The following TMEM232 variants were observed in gnomAD, a reference collection of about 807,000 sequenced individuals.
TMEM232 encodes the protein transmembrane protein 232.
In TMEM232, 80 loss-of-function variants were observed where a neutral mutation model predicts 78.8. That is an observed-to-expected ratio of 1.01 (90% confidence interval 0.85 to 1.22). The LOEUF is 1.22. TMEM232 is among the 50% of genes most tolerant of loss of function. TMEM232 has a pLI of 0.00. For missense variants in TMEM232, 881 were observed against 742.2 expected (o/e 1.19, Z -2.17); for synonymous variants, 297 against 254.3 (o/e 1.17, Z -1.60).
chr5:110,543,336 T>C (rs1006404052), intron 11 of TMEM232, among the ~76,000 whole-genome samples: 3 of 152,194 alleles, frequency 2.0e-5, no homozygotes, highest in Non-Finnish European at 4.4e-5. Flanking sequence ...CTATCCTTCA[T>C]TGATGTCCGT....
chr5:110,654,541 G>T (rs1788764325), intron 2 of TMEM232, among the ~76,000 whole-genome samples: 1 of 152,150 alleles, frequency 6.6e-6, no homozygotes, highest in Non-Finnish European at 1.5e-5. Context: ...TGCTGTTTTG[G>T]TTACTGTAGC....
intron 6 of TMEM232, among the ~76,000 whole-genome samples, chr5:110,627,042 C>G (rs1354756241): frequency 6.6e-6 from 1 of 152,036 alleles, no homozygotes; most frequent in East Asian, 1.9e-4. Context: ...TTCCCTAGTT[C>G]CAAACCTGTT....
At chr5:110,540,086 A>G (rs1413442932) in intron 11 of TMEM232, among the ~76,000 whole-genome samples, 3 of 152,206 alleles carry the variant, frequency 2.0e-5, no homozygotes, top group Admixed American at 1.3e-4. Context: ...CAAGTTAAAA[A>G]TAGGCTCTCA....
intron 10 of TMEM232, among the ~76,000 whole-genome samples, chr5:110,598,518 C>A (rs1455200805): frequency 2.0e-5 from 3 of 152,022 alleles, no homozygotes; most frequent in Non-Finnish European, 2.9e-5. Context: ...TGGATATATA[C>A]CCAAAGGACT....
At chr5:110,661,689 G>T (rs1169403497) in intron 2 of TMEM232, among the ~76,000 whole-genome samples, 1 of 152,126 alleles carries the variant, frequency 6.6e-6, no homozygotes, top group Admixed American at 6.6e-5. Context: ...GGGATGATAT[G>T]ACAATTCTAT....
chr5:110,685,959 G>T (rs1023392498), intron 1 of TMEM232, among the ~76,000 whole-genome samples: 3 of 152,136 alleles, frequency 2.0e-5, no homozygotes, highest in African/African-American at 7.2e-5. Context: ...ACTGCATGGT[G>T]ATGGTCTATG....
chr5:110,618,646 A>C, intron 7 of TMEM232, 84 bp from the exon 8 acceptor site: 1 of 1,308,368 alleles, frequency 7.6e-7, no homozygotes, highest in South Asian at 1.5e-5. Flanking sequence ...CATGAAAATA[A>C]ATTTTAAATA....
At chr5:110,558,691 C>G (rs1475419998) in intron 11 of TMEM232, among the ~76,000 whole-genome samples, 1 of 152,134 alleles carries the variant, frequency 6.6e-6, no homozygotes, top group Non-Finnish European at 1.5e-5. Context: ...GCATGGTAAA[C>G]TTTGGAGGAT....
chr5:110,493,890 T>C (rs181497035), intron 12 of TMEM232, among the ~76,000 whole-genome samples: 1 of 152,158 alleles, frequency 6.6e-6, no homozygotes, highest in Admixed American at 6.6e-5. Flanking sequence ...CATCAACCTG[T>C]CATCTACATT....
chr5:110,685,799 T>C (rs915970388), intron 1 of TMEM232, among the ~76,000 whole-genome samples: 1 of 152,116 alleles, frequency 6.6e-6, no homozygotes, highest in Admixed American at 6.6e-5. Flanking sequence ...TATAATAGGA[T>C]TATTCTCAGT....
chr5:110,722,602 G>T (rs914899027), intron 1 of TMEM232, among the ~76,000 whole-genome samples: 1 of 152,142 alleles, frequency 6.6e-6, no homozygotes, highest in African/African-American at 2.4e-5. Flanking sequence ...AACAATCCAA[G>T]AAACCAAGAT....
intron 1 of TMEM232, among the ~76,000 whole-genome samples, chr5:110,675,482 AGACGAAATTAAAACAAAAGAAAAAC>A (rs1791913377): frequency 1.3e-5 from 2 of 152,192 alleles, no homozygotes; most frequent in African/African-American, 4.8e-5. Context: ...ATAACGACAA[AGACGAAATTAAAACAAAAGAAAAAC>A]GGAGACTTCA....
intron 12 of TMEM232, among the ~76,000 whole-genome samples, chr5:110,505,684 T>C (rs766246207): frequency 1.2e-4 from 18 of 152,060 alleles, no homozygotes; most frequent in Admixed American, 2.0e-4. Context: ...TTTTTGTGTA[T>C]TTTTTGGTAG....
intron 13 of TMEM232, among the ~76,000 whole-genome samples, chr5:110,423,780 CGTGTGTGTGTGT>C (rs146104536): frequency 2.2e-4 from 31 of 142,486 alleles, no homozygotes; most frequent in African/African-American, 6.3e-4. Flanking sequence ...TTTATGCGTG[CGTGTGTGTGTGT>C]GTGTGTGTGT....
chr5:110,518,845 T>C (rs1471086301), intron 12 of TMEM232, among the ~76,000 whole-genome samples: 1 of 151,666 alleles, frequency 6.6e-6, no homozygotes, highest in African/African-American at 2.4e-5. Context: ...TTCAAGAAAT[T>C]AGAAAATGAA....
chr5:110,488,874 CATT>C lies in TMEM232; in HGVS notation c.1703+39711_1703+39713del, dbSNP rs200991533. Among the ~76,000 whole-genome samples, 1,496 of 151,910 alleles carry C rather than the reference CATT, an allele frequency of 9.8e-3. 28 individuals carry two copies. The highest frequency in any genetic ancestry group is 0.034 in the African/African-American group (1,420 of 41,484). On this transcript the variant is annotated intron_variant, in intron 12 of 13. Transcript: ENST00000455884. ...TTTTAAATGAGAATGAAAGAGGAAA[CATT>C]ACTACTAACTTGCATAAATCAAAAA...
At position 110,667,422 on chromosome 5, in the gene TMEM232, A is replaced by T. The variant is rs1050968875; in HGVS notation, c.-12-58T>A. 21 of 1,289,160 alleles carry T rather than the reference A, an allele frequency of 1.6e-5. 1 individual carries two copies. In the Admixed American group the frequency reaches 7.0e-4, roughly 43 times the overall value. 79.9% of individuals were successfully genotyped at this position (1,289,160 alleles called of 1,614,324 possible). A position where few individuals can be genotyped will look rare whatever the true frequency, so the allele number is the denominator to read the frequency against. ...AAATGCACTCATAGTATCAAACAAC[A>T]TGTTATGCAAATTCATTATTTTTGG... On this transcript the variant is annotated intron_variant, in intron 1 of 13. Coordinates refer to ENST00000455884, the MANE Select transcript of TMEM232 (RefSeq NM_001039763.4).
intron 2 of TMEM232, among the ~76,000 whole-genome samples, chr5:110,646,764 G>A (rs1787540731): frequency 6.6e-6 from 1 of 151,784 alleles, no homozygotes; most frequent in Non-Finnish European, 1.5e-5. Context: ...CGAATTGATA[G>A]AAAATACTTG....
At chr5:110,566,475 T>C (rs1424533805) in intron 11 of TMEM232, among the ~76,000 whole-genome samples, 1 of 151,910 alleles carries the variant, frequency 6.6e-6, no homozygotes, top group Non-Finnish European at 1.5e-5. Flanking sequence ...CACTTAGAAT[T>C]TTTTTCTGCC....
Sources: gnomAD v4.1 joint callset for allele counts (sites outside exome capture counted in the v4.1 genomes callset) on GRCh38, gnomAD v4.1.1 for gene constraint, MANE v1.5 for transcripts, NCBI Gene and HGNC (gene_info 2026-07-23, HGNC 2026-07-21) for gene names.